GLRA3: variants seen among roughly 807,000 people sequenced by gnomAD.
GLRA3 encodes the protein glycine receptor alpha 3.
GLRA3 carries 44 observed loss-of-function variants against 60.4 expected under a neutral mutation model. That is an observed-to-expected ratio of 0.73 (90% CI 0.57 to 0.94). The LOEUF (loss-of-function observed/expected upper bound fraction) is 0.94, where lower values mean the gene tolerates loss of function less well. GLRA3 is among the 40% of genes least tolerant of loss of function. The pLI, the probability that GLRA3 is intolerant of heterozygous loss-of-function variation, is 0.00. For synonymous variants in GLRA3, 223 were observed against 192.9 expected, an observed-to-expected ratio of 1.16 and a Z score of -1.29; for missense variants, 508 against 564.6, an observed-to-expected ratio of 0.90 and a Z score of 1.02.
At chr4:174,779,603 C>G (rs1738780563) in intron 2 of GLRA3, among the ~76,000 whole-genome samples, 1 of 151,978 alleles carries the variant, frequency 6.6e-6, no homozygotes, top group Admixed American at 6.6e-5. Context: ...ATAACCAATA[C>G]AGAGAAGTGC....
intron 5 of GLRA3, among the ~76,000 whole-genome samples, chr4:174,702,752 G>C (rs1735371598): frequency 6.6e-6 from 1 of 152,040 alleles, no homozygotes. Context: ...ATTTTTTGTA[G>C]ATACATGGTC....
chr4:174,726,704 C>A (rs1399800632), intron 4 of GLRA3, among the ~76,000 whole-genome samples: 1 of 152,132 alleles, frequency 6.6e-6, no homozygotes, highest in African/African-American at 2.4e-5. Context: ...TTATATCCAC[C>A]ACTGGGCATC....
chr4:174,824,948 A>G (rs1364735126), intron 1 of GLRA3, among the ~76,000 whole-genome samples: 2 of 152,164 alleles, frequency 1.3e-5, no homozygotes, highest in Non-Finnish European at 1.5e-5. Context: ...GCTTAATCTT[A>G]CATAGTAAAC....
intron 5 of GLRA3, among the ~76,000 whole-genome samples, chr4:174,707,891 T>G (rs776073887): frequency 6.6e-6 from 1 of 152,154 alleles, no homozygotes; most frequent in Non-Finnish European, 1.5e-5. Flanking sequence ...GAATACCTGA[T>G]GATCAGTAAA....
chr4:174,658,227 A>G (rs1035308328), intron 8 of GLRA3, among the ~76,000 whole-genome samples: 15 of 152,262 alleles, frequency 9.9e-5, no homozygotes, highest in African/African-American at 3.4e-4. Flanking sequence ...ATTATTGTCC[A>G]TTGCTTTAAA....
intron 3 of GLRA3, among the ~76,000 whole-genome samples, chr4:174,748,747 C>T (rs1737344680): frequency 6.6e-6 from 1 of 152,126 alleles, no homozygotes; most frequent in African/African-American, 2.4e-5. Context: ...GTAAGGTCAT[C>T]TGTTGAGAAT....
intron 1 of GLRA3, among the ~76,000 whole-genome samples, chr4:174,817,003 C>T (rs894015888): frequency 3.3e-5 from 5 of 152,154 alleles, no homozygotes; most frequent in African/African-American, 1.2e-4. Flanking sequence ...TCTGACCATG[C>T]TCCTTTCCTA....
At chr4:174,733,604 C>T (rs1232183498) in intron 3 of GLRA3, among the ~76,000 whole-genome samples, 1 of 152,170 alleles carries the variant, frequency 6.6e-6, no homozygotes, top group African/African-American at 2.4e-5. Flanking sequence ...AACTAGAAAC[C>T]ATCTCTATAG....
intron 7 of GLRA3, among the ~76,000 whole-genome samples, chr4:174,665,853 C>T (rs1733646709): frequency 6.6e-6 from 1 of 151,946 alleles, no homozygotes; most frequent in Non-Finnish European, 1.5e-5. Context: ...TAATCACTGG[C>T]CATTTATTAT....
Position 174,766,785 on chromosome 4 carries a change from TA to T in GLRA3, c.267+177del, listed in dbSNP as rs548627271. On this transcript the variant is annotated intron_variant, in intron 3 of 9. Coordinates refer to ENST00000274093, the MANE Select transcript of GLRA3 (RefSeq NM_006529.4). Reference sequence around the variant, plus strand: ...TTTCACTTATATTTATATACTCTAATATACCATCTCTAACTGAAATGTTATT... The same window carrying T: ...TTTCACTTATATTTATATACTCTAATTACCATCTCTAACTGAAATGTTATT... Among the ~76,000 whole-genome samples, 23 of 152,218 alleles carry T rather than the reference TA, an allele frequency of 1.5e-4. No homozygotes were observed. In the East Asian group the frequency reaches 4.4e-3, roughly 29 times the overall value.
chr4:174,701,395 T>G (rs1208272277), intron 5 of GLRA3, among the ~76,000 whole-genome samples: 1 of 152,186 alleles, frequency 6.6e-6, no homozygotes, highest in African/African-American at 2.4e-5. Flanking sequence ...TTTCAAAATA[T>G]CACTGCTGAT....
At chr4:174,803,151 C>T (rs1415894823) in intron 1 of GLRA3, among the ~76,000 whole-genome samples, 1 of 152,156 alleles carries the variant, frequency 6.6e-6, no homozygotes, top group East Asian at 1.9e-4. Context: ...TTATTTTCAT[C>T]ATGCACTCAT....
chr4:174,678,835 G>A (rs1192406923), intron 6 of GLRA3, among the ~76,000 whole-genome samples: 1 of 151,974 alleles, frequency 6.6e-6, no homozygotes. Flanking sequence ...TAATGAAATG[G>A]AATAAAACAA....
At chr4:174,688,375 G>T (rs1734639783) in intron 5 of GLRA3, among the ~76,000 whole-genome samples, 2 of 100,126 alleles carry the variant, frequency 2.0e-5, no homozygotes, top group East Asian at 2.9e-4. Flanking sequence ...ATATTCATCA[G>T]GTTTTGACAT....
chr4:174,762,291 T>C (rs925133706), intron 3 of GLRA3, among the ~76,000 whole-genome samples: 1 of 152,176 alleles, frequency 6.6e-6, no homozygotes, highest in Non-Finnish European at 1.5e-5. Flanking sequence ...ATAGTTATGC[T>C]TCATAGTGTG....
intron 9 of GLRA3, among the ~76,000 whole-genome samples, chr4:174,654,213 C>T (rs930018089): frequency 2.6e-5 from 4 of 152,232 alleles, no homozygotes; most frequent in South Asian, 4.1e-4. Context: ...ATCCTTCTCA[C>T]GTTCATCAGA....
In GLRA3 at chr4:174,637,585, G is replaced by A. The variant is rs1732526649; in HGVS notation, c.*6201C>T. 6.6e-6 allele frequency: 1 copy of A among 152,182 alleles called. No homozygotes were observed. Among genetic ancestry groups the A allele is most frequent in the Admixed American group, 6.5e-5 (1 of 15,278 alleles). 9.4% of individuals were successfully genotyped at this position (152,182 alleles called of 1,614,324 possible). The stretch of plus-strand genomic sequence containing the variant: ...GCTGGATACTGTGTATGTGAGCGGG[G>A]TTGCCCAAAGGCGCCATTGCTAAAA... On this transcript the variant is annotated 3_prime_UTR_variant, in exon 10 of 10. Transcript: ENST00000274093.
At chr4:174,787,384 T>G (rs1739164097) in intron 2 of GLRA3, among the ~76,000 whole-genome samples, 1 of 152,114 alleles carries the variant, frequency 6.6e-6, no homozygotes, top group African/African-American at 2.4e-5. Flanking sequence ...AACTGCATAT[T>G]TTTGAAGATC....
chr4:174,648,384 A>G (rs1732907842), intron 9 of GLRA3, among the ~76,000 whole-genome samples: 1 of 152,252 alleles, frequency 6.6e-6, no homozygotes, highest in Admixed American at 6.5e-5. Flanking sequence ...GAATCACTTG[A>G]ACCCAGGACG....
Sources: allele counts gnomAD v4.1 joint callset (sites outside exome capture counted in the v4.1 genomes callset), GRCh38; gene constraint gnomAD v4.1.1; transcripts MANE v1.5; gene names NCBI Gene and HGNC (gene_info 2026-07-23, HGNC 2026-07-21).